DIP2C: variants seen among roughly 807,000 people sequenced by gnomAD.
DIP2C encodes DIP2 acetate--CoA ligase C (putative).
In DIP2C, 33 loss-of-function variants were observed where a neutral mutation model predicts 192.4. The observed-to-expected ratio is 0.17, with a 90% CI of 0.13 to 0.23. DIP2C has a LOEUF of 0.23. Among genes scored for constraint, DIP2C ranks in the 10% least tolerant of loss-of-function variants. The pLI is 1.00. For missense variants in DIP2C, 1,537 were observed against 2,110.1 expected (o/e 0.73, Z 5.32); for synonymous variants, 979 against 864.1 (o/e 1.13, Z -2.33).
chr10:435,296 G>C (rs1446204162), intron 4 of DIP2C, among the ~76,000 whole-genome samples: 1 of 152,182 alleles, frequency 6.6e-6, no homozygotes, highest in Non-Finnish European at 1.5e-5. Flanking sequence ...TCTCTGGAAG[G>C]TAGACCTAGT....
chr10:637,088 C>T (rs909518645), intron 1 of DIP2C, among the ~76,000 whole-genome samples: 1 of 152,250 alleles, frequency 6.6e-6, no homozygotes, highest in African/African-American at 2.4e-5. Flanking sequence ...CATAACATAA[C>T]GTCTGATTCC....
intron 1 of DIP2C, among the ~76,000 whole-genome samples, chr10:614,815 G>A (rs1297450060): frequency 1.3e-5 from 2 of 152,350 alleles, no homozygotes; most frequent in South Asian, 2.1e-4. Flanking sequence ...GAGGCCCAGA[G>A]CCTCTCTGCA....
chr10:363,379 G>T lies in DIP2C; in HGVS notation c.2478-68C>A. 1 of 1,379,796 alleles carries T rather than the reference G, an allele frequency of 7.2e-7. No individual in the cohort carries two copies. The allele number at this position is 1,379,796 out of a possible 1,614,324, so 85.5% of individuals were successfully genotyped here. A position where few individuals can be genotyped will look rare whatever the true frequency, so the allele number is the denominator to read the frequency against. ...TCATGCAGCCCTCCCTCCGCCATCA[G>T]GGGCTCCATAACCATCACTAGTGAG... On this transcript the variant is annotated intron_variant, in intron 20 of 36. Transcript: ENST00000280886. The surrounding 1 kb of genome is among the most constrained non-coding windows in gnomAD (Gnocchi z 5.4).
chr10:451,226 T>G (rs1405002785), intron 3 of DIP2C, among the ~76,000 whole-genome samples: 1 of 152,224 alleles, frequency 6.6e-6, no homozygotes, highest in Non-Finnish European at 1.5e-5. Context: ...TAAGTCAGGT[T>G]AACCTAATCT....
intron 4 of DIP2C, chr10:430,460 C>T (rs1162205550): frequency 6.6e-6 from 1 of 152,244 alleles, no homozygotes; most frequent in Non-Finnish European, 1.5e-5. Context: ...CCCGCCTTAG[C>T]CTCCTGAGTA....
At chr10:410,224 T>C (rs1412755201) in intron 8 of DIP2C, among the ~76,000 whole-genome samples, 1 of 152,242 alleles carries the variant, frequency 6.6e-6, no homozygotes, top group Admixed American at 6.5e-5. Context: ...TCTTTGATTG[T>C]TCTGGTTCCT....
chr10:488,852 T>C (rs1265682733), intron 1 of DIP2C, among the ~76,000 whole-genome samples: 1 of 152,180 alleles, frequency 6.6e-6, no homozygotes, highest in African/African-American at 2.4e-5. Flanking sequence ...CCCAACCCAG[T>C]TGTCTTACAA....
chr10:654,257 C>T (rs191348325), intron 1 of DIP2C, among the ~76,000 whole-genome samples: 92 of 152,306 alleles, frequency 6.0e-4, no homozygotes, highest in South Asian at 3.5e-3. Context: ...TTTCTGACAA[C>T]AAAGTCAAGG....
At chr10:336,244 T>C (rs1957763010) in intron 29 of DIP2C, among the ~76,000 whole-genome samples, 1 of 152,138 alleles carries the variant, frequency 6.6e-6, no homozygotes, top group Admixed American at 6.5e-5. Context: ...GGTCCCAGGA[T>C]AGCGATGCTT....
intron 18 of DIP2C, 29 bp downstream of exon 18, chr10:369,465 A>G (rs1413633208): frequency 6.7e-7 from 1 of 1,500,712 alleles, no homozygotes; most frequent in African/African-American, 1.4e-5. Flanking sequence ...ATAACTGGTT[A>G]ATCTGTGCAG....
intron 1 of DIP2C, among the ~76,000 whole-genome samples, chr10:531,602 A>T (rs1009660462): frequency 6.6e-6 from 1 of 152,266 alleles, no homozygotes; most frequent in East Asian, 1.9e-4. Context: ...TCTGGAGGTA[A>T]AGGCCGAGCT....
chr10:452,216 G>A (rs1463384865), intron 3 of DIP2C, among the ~76,000 whole-genome samples: 3 of 152,158 alleles, frequency 2.0e-5, no homozygotes, highest in Middle Eastern at 3.2e-3. Flanking sequence ...TGCTTTAACC[G>A]GAAATCAGTG....
chr10:643,058 G>C (rs1187833641), intron 1 of DIP2C, among the ~76,000 whole-genome samples: 1 of 151,712 alleles, frequency 6.6e-6, no homozygotes, highest in African/African-American at 2.4e-5. Flanking sequence ...ACAAAAATCA[G>C]CCAGGCATGG....
intron 1 of DIP2C, among the ~76,000 whole-genome samples, chr10:512,922 G>GGA (rs1347155013): frequency 4.2e-4 from 39 of 92,182 alleles, no homozygotes; most frequent in African/African-American, 1.0e-3. Context: ...CCCACTTCAG[G>GGA]AAAAAAAAAA....
chr10:479,840 A>C (rs978570977), intron 2 of DIP2C, among the ~76,000 whole-genome samples: 2 of 152,020 alleles, frequency 1.3e-5, no homozygotes, highest in African/African-American at 2.4e-5. Flanking sequence ...CGCTCACTGG[A>C]TGAGGGTTCT....
intron 29 of DIP2C, among the ~76,000 whole-genome samples, chr10:335,429 A>T (rs554868677): frequency 6.6e-6 from 1 of 152,300 alleles, no homozygotes; most frequent in South Asian, 2.1e-4. Context: ...CCCAGCTCAG[A>T]CCCTGTTCAA....
At chr10:418,660 A>G (rs775491294) in intron 6 of DIP2C, among the ~76,000 whole-genome samples, 1 of 152,230 alleles carries the variant, frequency 6.6e-6, no homozygotes, top group Non-Finnish European at 1.5e-5. Flanking sequence ...AAAGCAACAT[A>G]TCAGCCCATC....
At chr10:598,993 C>T (rs568752791) in intron 1 of DIP2C, among the ~76,000 whole-genome samples, 1 of 152,370 alleles carries the variant, frequency 6.6e-6, no homozygotes, top group South Asian at 2.1e-4. Flanking sequence ...GGCACGGCCC[C>T]CGGGCCCACC....
intron 1 of DIP2C, among the ~76,000 whole-genome samples, chr10:540,858 T>C (rs976420828): frequency 6.6e-6 from 1 of 152,210 alleles, no homozygotes; most frequent in African/African-American, 2.4e-5. Flanking sequence ...GTAAAGTCTT[T>C]CAAGGGTTTT....
Sources: allele counts gnomAD v4.1 joint callset (sites outside exome capture counted in the v4.1 genomes callset), GRCh38; gene constraint gnomAD v4.1.1; non-coding constraint Gnocchi (gnomAD v3.1); transcripts MANE v1.5; gene names NCBI Gene and HGNC (gene_info 2026-07-23, HGNC 2026-07-21).